ADAMTSL1: variants seen among roughly 807,000 people sequenced by gnomAD.
ADAMTSL1 encodes ADAMTS like 1, also known as ADAMTS-like protein 1.
In ADAMTSL1, 126 loss-of-function variants were observed where a neutral mutation model predicts 201.8. The observed-to-expected ratio is 0.62, with a 90% CI of 0.54 to 0.72. The LOEUF (loss-of-function observed/expected upper bound fraction) is 0.72. Among genes scored for constraint, ADAMTSL1 ranks in the 30% least tolerant of loss-of-function variants. The probability of loss-of-function intolerance (pLI) is 0.00; values close to 1 mark genes in which losing one functional copy is unlikely to be tolerated. For synonymous variants in ADAMTSL1, 1,121 were observed against 903.4 expected (o/e 1.24, Z -4.32); for missense variants, 2,679 against 2,277.8 (o/e 1.18, Z -3.59).
At chr9:18,048,228 A>C (rs1288444994) in intron 1 of ADAMTSL1, among the ~76,000 whole-genome samples, 1 of 152,142 alleles carries the variant, frequency 6.6e-6, no homozygotes, top group Non-Finnish European at 1.5e-5. Context: ...TCATCAACTC[A>C]CATTTTGTTT....
chr9:18,658,644 C>A (rs150076913), intron 8 of ADAMTSL1, among the ~76,000 whole-genome samples: 65 of 152,156 alleles, frequency 4.3e-4, no homozygotes, highest in African/African-American at 1.5e-3. Context: ...ATTTGTAACA[C>A]GAACAGCATT....
intron 22 of ADAMTSL1, among the ~76,000 whole-genome samples, chr9:18,827,202 A>G (rs1288200250): frequency 1.3e-5 from 2 of 152,130 alleles, no homozygotes; most frequent in Admixed American, 6.5e-5. Context: ...CTCAAAAAAA[A>G]GAGCAATTAT....
At chr9:18,446,255 C>G (rs981664242) in intron 2 of ADAMTSL1, among the ~76,000 whole-genome samples, 3 of 152,160 alleles carry the variant, frequency 2.0e-5, no homozygotes, top group African/African-American at 7.2e-5. Context: ...AAGATGAAAA[C>G]TAAATCTCAC....
intron 1 of ADAMTSL1, among the ~76,000 whole-genome samples, chr9:18,033,910 G>T (rs1472177292): frequency 6.6e-6 from 1 of 152,040 alleles, no homozygotes; most frequent in Non-Finnish European, 1.5e-5. Flanking sequence ...TTTAACTTTT[G>T]TATACATTAT....
chr9:18,125,422 A>T (rs1002860923), intron 1 of ADAMTSL1, among the ~76,000 whole-genome samples: 1 of 152,006 alleles, frequency 6.6e-6, no homozygotes, highest in Admixed American at 6.5e-5. Flanking sequence ...ACACACCCAA[A>T]CCATATCAGA....
At chr9:18,710,681 T>G (rs1237225066) in intron 14 of ADAMTSL1, among the ~76,000 whole-genome samples, 3 of 149,194 alleles carry the variant, frequency 2.0e-5, no homozygotes, top group Middle Eastern at 3.5e-3. Context: ...GTTTTTTTTT[T>G]TTTTTTTTTA....
chr9:18,095,218 C>G (rs923650657), intron 1 of ADAMTSL1, among the ~76,000 whole-genome samples: 23 of 152,112 alleles, frequency 1.5e-4, no homozygotes, highest in African/African-American at 5.3e-4. Flanking sequence ...GATGAAAACA[C>G]TGCATCAGAA....
chr9:18,677,849 TATAAAG>T (rs890738576), intron 10 of ADAMTSL1, among the ~76,000 whole-genome samples: 2 of 152,088 alleles, frequency 1.3e-5, no homozygotes, highest in African/African-American at 4.8e-5. Flanking sequence ...CTGAACTAGT[TATAAAG>T]ATAGATATTC....
At position 18,895,056 on chromosome 9, in the gene ADAMTSL1, T is replaced by TTGAC. The variant is rs1319117210; in HGVS notation, c.4851+2465_4851+2468dup. On this transcript the variant is annotated intron_variant, in intron 26 of 28. Transcript: ENST00000380548. ...TTATACATACGGTGCATATTCAAACTTGACTGACAGGCAGTTACCTGTAAC... is the reference window on the plus strand; with the variant it reads ...TTATACATACGGTGCATATTCAAACTTGACTGACTGACAGGCAGTTACCTGTAAC... 3.9e-4 allele frequency among the ~76,000 whole-genome samples: 59 copies of TTGAC among 152,340 alleles called. 1 individual carries two copies. Among genetic ancestry groups the TTGAC allele is most frequent in the African/African-American group, 1.4e-3 (57 of 41,578 alleles).
intron 2 of ADAMTSL1, among the ~76,000 whole-genome samples, chr9:18,178,271 C>T (rs966702423): frequency 6.6e-6 from 1 of 152,134 alleles, no homozygotes; most frequent in Non-Finnish European, 1.5e-5. Flanking sequence ...TGACAGACGG[C>T]ACCTGGAAAA....
At chr9:18,297,971 C>T (rs1833540193) in intron 2 of ADAMTSL1, among the ~76,000 whole-genome samples, 1 of 152,300 alleles carries the variant, frequency 6.6e-6, no homozygotes, top group East Asian at 1.9e-4. Context: ...CGTCCTATTT[C>T]ACCTGTTTCT....
intron 1 of ADAMTSL1, among the ~76,000 whole-genome samples, chr9:17,908,442 T>C (rs972745650): frequency 1.3e-5 from 2 of 151,714 alleles, no homozygotes; most frequent in African/African-American, 4.8e-5. Context: ...TGTGCAAAAA[T>C]GACCTGCCTT....
rs566682600 is a variant in ADAMTSL1, at chr9:18,489,065, AT to A, written c.63+14771del. On this transcript the variant is annotated intron_variant, in intron 1 of 28. Transcript: ENST00000380548. ...AGTATCTGGGTGGCTGGCAGCCTCC[AT>A]CCCCGCAAGAGATTCTGATACGGTT... 1.3e-3 allele frequency among the ~76,000 whole-genome samples: 202 copies of A among 152,314 alleles called. 1 individual carries two copies. Among genetic ancestry groups the A allele is most frequent in the African/African-American group, 4.8e-3 (198 of 41,576 alleles).
intron 15 of ADAMTSL1, chr9:18,722,875 C>A: frequency 1.5e-6 from 1 of 675,616 alleles, no homozygotes; most frequent in South Asian, 1.7e-5. Flanking sequence ...TACATGAAAT[C>A]CTGAGTAACC....
chr9:18,002,461 T>C (rs1819651919), intron 1 of ADAMTSL1, among the ~76,000 whole-genome samples: 1 of 152,024 alleles, frequency 6.6e-6, no homozygotes, highest in African/African-American at 2.4e-5. Context: ...AAATAGCAAA[T>C]ACTGTCTCTG....
Position 18,259,773 on chromosome 9 carries a change from C to T in ADAMTSL1, c.207+95792C>T, listed in dbSNP as rs375361403. Among the ~76,000 whole-genome samples, 144 of 152,136 alleles carry T rather than the reference C, an allele frequency of 9.5e-4. 2 individuals are homozygous for T. The South Asian group carries it at 0.028, about 29-fold the overall frequency. On this transcript the variant is annotated intron_variant, in intron 2 of 29. Transcript: ENST00000680146. Reference sequence around the variant, plus strand: ...TAAGATGAAATAAGGTAATAGGTGACGTGCTTAGAGTAATAGGAAATGGTG... The same window carrying T: ...TAAGATGAAATAAGGTAATAGGTGATGTGCTTAGAGTAATAGGAAATGGTG...
At chr9:17,954,026 T>G (rs963069548) in intron 1 of ADAMTSL1, among the ~76,000 whole-genome samples, 2 of 152,198 alleles carry the variant, frequency 1.3e-5, no homozygotes, top group African/African-American at 2.4e-5. Context: ...TTCACGAGTC[T>G]GGAGTCTGGG....
intron 2 of ADAMTSL1, among the ~76,000 whole-genome samples, chr9:18,275,393 A>G (rs2132601224): frequency 6.6e-6 from 1 of 152,298 alleles, no homozygotes; most frequent in Non-Finnish European, 1.5e-5. Flanking sequence ...TTTTAAGTGT[A>G]CAGTTCTATG....
chr9:18,302,685 A>G (rs564753732), intron 2 of ADAMTSL1, among the ~76,000 whole-genome samples: 2 of 152,316 alleles, frequency 1.3e-5, no homozygotes, highest in African/African-American at 4.8e-5. Context: ...TAACAGTCTA[A>G]TAATCCTTTA....
Sources: gnomAD v4.1 joint callset for allele counts (sites outside exome capture counted in the v4.1 genomes callset) on GRCh38, gnomAD v4.1.1 for gene constraint, MANE v1.5 for transcripts, NCBI Gene and HGNC (gene_info 2026-07-23, HGNC 2026-07-21) for gene names.